Variants in SPART observed in about 807,000 individuals in gnomAD.
SPART encodes spastic paraplegia 20 (Troyer syndrome).
SPART carries 35 observed loss-of-function variants against 58.7 expected under a neutral mutation model. The ratio of observed to expected loss-of-function variants is 0.60; its 90% confidence interval spans 0.46 to 0.79. The LOEUF is 0.79. Ranked by LOEUF, SPART falls within the 30% of genes least tolerant of loss-of-function variation. The pLI is 0.00. For missense variants in SPART, 730 were observed against 786.1 expected (o/e 0.93, Z 0.85); for synonymous variants, 284 against 280.7 (o/e 1.01, Z -0.12).
At chr13:36,336,590 T>C (rs141987634) in intron 1 of SPART, among the ~76,000 whole-genome samples, 249 of 152,316 alleles carry the variant, frequency 1.6e-3, no homozygotes, top group Middle Eastern at 6.8e-3. Flanking sequence ...TCTACCTTGC[T>C]GGTGAAAGCT....
At chr13:36,315,133 G>A (rs1881558314) in intron 5 of SPART, among the ~76,000 whole-genome samples, 3 of 152,120 alleles carry the variant, frequency 2.0e-5, no homozygotes, top group African/African-American at 4.8e-5. Flanking sequence ...CTAGCCCTTT[G>A]CTTTGCTTTG....
At chr13:36,330,926 A>G (rs2137509882) in intron 3 of SPART, among the ~76,000 whole-genome samples, 1 of 152,304 alleles carries the variant, frequency 6.6e-6, no homozygotes, top group East Asian at 1.9e-4. Flanking sequence ...CCTATCTACT[A>G]AAGCTAAAAT....
In SPART at chr13:36,312,179, C is replaced by G; in HGVS notation, c.1699G>C (p.Val567Leu). 1 of 1,614,148 alleles carries G rather than the reference C, an allele frequency of 6.2e-7. No individual in the cohort carries two copies. Among genetic ancestry groups the G allele is most frequent in the Non-Finnish European group, 8.5e-7 (1 of 1,179,982 alleles). Residue 567 changes from valine to leucine, a missense_variant, in exon 8 of 9, where the codon GTT becomes CTT. Coordinates refer to ENST00000438666, the MANE Select transcript of SPART (RefSeq NM_015087.5). ...ECAAKCIVNN[V>L]SAETVQTVRY... ...ACAGTTTGTACAGTTTCTGCTGAAA[C>G]ATTGTTAACGATGCATTTAGCTGCA... is the stretch of plus-strand genomic sequence containing the variant.
At chr13:36,308,300 T>C (rs1880722667) in intron 8 of SPART, 1 of 152,182 alleles carries the variant, frequency 6.6e-6, no homozygotes. Context: ...TAAAATCTTT[T>C]ATTCCCTACT....
chr13:36,355,134 G>A (rs1305284428), intron 1 of SPART, among the ~76,000 whole-genome samples: 1 of 152,114 alleles, frequency 6.6e-6, no homozygotes, highest in Non-Finnish European at 1.5e-5. Flanking sequence ...TGGGTATGTG[G>A]GTTCACAACA....
chr13:36,365,729 G>T (rs1159986065), intron 1 of SPART: 1 of 372,530 alleles, frequency 2.7e-6, no homozygotes, highest in Non-Finnish European at 5.4e-6. Context: ...TATCTCCATA[G>T]CTCCAGCATC....
chr13:36,348,898 G>GCA (rs1885302794), upstream of SPART, among the ~76,000 whole-genome samples: 2 of 152,170 alleles, frequency 1.3e-5, no homozygotes, highest in Admixed American at 1.3e-4. Context: ...AGCCACATGA[G>GCA]CACACACACA....
Position 36,358,120 on chromosome 13 carries a change from G to GA in SPART, c.-3+11968dup, listed in dbSNP as rs202241961. ...TTCATAAGCAAAGTCACTATTCATA[G>GA]AAAAAAAAAGAAAAACCTGCTATTT... On this transcript the variant is annotated intron_variant, in intron 1 of 8. Transcript: ENST00000355182. Among the ~76,000 whole-genome samples, 1,375 of 150,018 alleles carry GA rather than the reference G, an allele frequency of 9.2e-3. 23 individuals carry two copies. The highest frequency in any genetic ancestry group is 0.032 in the African/African-American group (1,293 of 40,926).
At chr13:36,362,355 A>AAC (rs1252302114) in intron 1 of SPART, among the ~76,000 whole-genome samples, 1 of 151,418 alleles carries the variant, frequency 6.6e-6, no homozygotes, top group East Asian at 2.0e-4. Context: ...TCCATCTCAA[A>AAC]AAAAAAAAAA....
rs114850776 is a variant in SPART at position 36,341,600 on chromosome 13, G to A, written c.-3+4625C>T. Among the ~76,000 whole-genome samples the A allele has an allele frequency of 9.5e-3, 1,446 of 152,188 alleles. 27 individuals carry two copies. Among genetic ancestry groups the A allele is most frequent in the African/African-American group, 0.033 (1,367 of 41,510 alleles). On this transcript the variant is annotated intron_variant, in intron 1 of 8. Coordinates refer to ENST00000438666, the MANE Select transcript of SPART (RefSeq NM_015087.5). ...TTCCTGTGATCTCATGAAAACTTAC[G>A]ATAGAAGAATTTCACTGATATGAAA...
Position 36,303,808 on chromosome 13 carries a change from C to T in SPART, c.*557G>A, listed in dbSNP as rs1236462410. The T allele has an allele frequency of 6.5e-6, 1 of 153,472 alleles. No individual in the cohort carries two copies. Among genetic ancestry groups the T allele is most frequent in the African/African-American group, 2.4e-5 (1 of 41,422 alleles). The allele number at this position is 153,472 out of a possible 1,614,324, so 9.5% of individuals were successfully genotyped here. A position where few individuals can be genotyped will look rare whatever the true frequency, so the allele number is the denominator to read the frequency against. On this transcript the variant is annotated 3_prime_UTR_variant, in exon 9 of 9. Transcript: ENST00000438666. ...TAAGTTACAAAAGTAGTCCATTTTA[C>T]TTTTCATCAGTCTTTCCCTGTTTTG... is the stretch of plus-strand genomic sequence containing the variant.
intron 2 of SPART, 119 bp from the exon 3 acceptor site, chr13:36,331,715 T>C (rs752006908): frequency 2.7e-6 from 2 of 750,964 alleles, no homozygotes; most frequent in Non-Finnish European, 4.3e-6. Context: ...TGGAAACATA[T>C]TTTAAAAGGC....
At chr13:36,342,003 G>A (rs1884629458) in intron 1 of SPART, among the ~76,000 whole-genome samples, 1 of 152,210 alleles carries the variant, frequency 6.6e-6, no homozygotes, top group South Asian at 2.1e-4. Flanking sequence ...GACTAAGGCA[G>A]CAGAAAGACA....
At chr13:36,331,633 T>C (rs754846619) in intron 2 of SPART, 37 bp from the exon 3 acceptor site, 3 of 1,398,090 alleles carry the variant, frequency 2.1e-6, no homozygotes, top group African/African-American at 1.4e-5. Context: ...AATATACATA[T>C]AAATAAATGA....
chr13:36,368,892 G>A (rs566637230), intron 1 of SPART, among the ~76,000 whole-genome samples: 140 of 152,220 alleles, frequency 9.2e-4, no homozygotes, highest in Non-Finnish European at 1.7e-3. Flanking sequence ...CCAGCTACTC[G>A]GGAGGCTGAG....
intron 1 of SPART, among the ~76,000 whole-genome samples, chr13:36,342,107 TG>T (rs1318678005): frequency 6.6e-6 from 1 of 152,230 alleles, no homozygotes; most frequent in African/African-American, 2.4e-5. Flanking sequence ...TGAACAACAC[TG>T]TGACTTGGCA....
chr13:36,350,525 A>G (rs1299707115), upstream of SPART, among the ~76,000 whole-genome samples: 35 of 152,220 alleles, frequency 2.3e-4, no homozygotes, highest in Admixed American at 2.3e-3. Flanking sequence ...GCATGTTTAC[A>G]AGGAGATTTG....
intron 1 of SPART, among the ~76,000 whole-genome samples, chr13:36,369,235 A>G (rs1309573187): frequency 2.0e-5 from 3 of 152,198 alleles, no homozygotes; most frequent in African/African-American, 4.8e-5. Context: ...TAAAAGCTGT[A>G]TCAGAAGCTG....
intron 8 of SPART, among the ~76,000 whole-genome samples, chr13:36,306,893 A>G (rs1048997466): frequency 3.9e-5 from 6 of 152,322 alleles, no homozygotes; most frequent in African/African-American, 1.4e-4. Flanking sequence ...ATATGTGTGA[A>G]AGCAGTTTTA....
Sources: allele counts gnomAD v4.1 joint callset (sites outside exome capture counted in the v4.1 genomes callset), GRCh38; gene constraint gnomAD v4.1.1; transcripts MANE v1.5; gene names NCBI Gene and HGNC (gene_info 2026-07-23, HGNC 2026-07-21).